Variants in RAPGEF4 observed in about 807,000 individuals in gnomAD.
The protein encoded by RAPGEF4 is RAP guanine-nucleotide-exchange factor (GEF) 4.
RAPGEF4 carries 66 observed loss-of-function variants against 147.9 expected under a neutral mutation model. The observed-to-expected ratio is 0.45, with a 90% confidence interval of 0.37 to 0.55. RAPGEF4 has a LOEUF of 0.55. RAPGEF4 is among the 20% of genes least tolerant of loss of function. The pLI, the probability that RAPGEF4 is intolerant of heterozygous loss-of-function variation, is 0.00. For missense variants in RAPGEF4, 1,071 were observed against 1,257.3 expected (o/e 0.85, Z 2.24); for synonymous variants, 419 against 442.7 (o/e 0.95, Z 0.67).
At chr2:172,991,128 G>A (rs1263629711) in intron 15 of RAPGEF4, among the ~76,000 whole-genome samples, 1 of 152,188 alleles carries the variant, frequency 6.6e-6, no homozygotes, top group Admixed American at 6.5e-5. Context: ...GCTGCCTAGA[G>A]TAATTCGGGA....
chr2:172,795,870 T>C (rs1035991398), intron 2 of RAPGEF4, among the ~76,000 whole-genome samples: 2 of 152,208 alleles, frequency 1.3e-5, no homozygotes, highest in African/African-American at 2.4e-5. Context: ...TTCTGAGGTG[T>C]TGGGCTTTGT....
chr2:173,005,584 G>A (rs1239082077), intron 17 of RAPGEF4, among the ~76,000 whole-genome samples: 46 of 126,820 alleles, frequency 3.6e-4, no homozygotes, highest in African/African-American at 1.3e-3. Context: ...GTGTAGTATC[G>A]CAATCTTGGC....
intron 1 of RAPGEF4, among the ~76,000 whole-genome samples, chr2:172,755,688 G>A (rs374531364): frequency 7.9e-5 from 12 of 152,292 alleles, no homozygotes; most frequent in Admixed American, 5.2e-4. Flanking sequence ...GAGCTACTGC[G>A]CCTGGCCTAA....
intron 4 of RAPGEF4, among the ~76,000 whole-genome samples, chr2:172,852,285 C>A (rs1181179680): frequency 3.9e-5 from 6 of 152,120 alleles, no homozygotes; most frequent in Non-Finnish European, 7.4e-5. Flanking sequence ...ATGAAGATAA[C>A]CTTCCTTATT....
At chr2:173,049,769 T>G (rs1333461071) in intron 30 of RAPGEF4, among the ~76,000 whole-genome samples, 1 of 152,248 alleles carries the variant, frequency 6.6e-6, no homozygotes, top group African/African-American at 2.4e-5. Context: ...TATCATCAAC[T>G]ATTCTTATGT....
intron 4 of RAPGEF4, among the ~76,000 whole-genome samples, chr2:172,884,880 C>T (rs1359705811): frequency 6.6e-6 from 1 of 152,226 alleles, no homozygotes; most frequent in Non-Finnish European, 1.5e-5. Flanking sequence ...AAATCATTTG[C>T]ATTTGCCTTG....
intron 6 of RAPGEF4, among the ~76,000 whole-genome samples, chr2:172,939,918 A>G (rs1173794949): frequency 6.6e-6 from 1 of 152,136 alleles, no homozygotes; most frequent in Non-Finnish European, 1.5e-5. Flanking sequence ...GTTCCTTTGT[A>G]AAAGATCAGT....
chr2:172,984,368 C>A (rs188281979), intron 11 of RAPGEF4, among the ~76,000 whole-genome samples: 51 of 152,318 alleles, frequency 3.3e-4, no homozygotes, highest in African/African-American at 1.2e-3. Flanking sequence ...AGTAGCAGTA[C>A]CTGCCAGTCC....
intron 1 of RAPGEF4, among the ~76,000 whole-genome samples, chr2:172,783,642 C>T (rs1009458590): frequency 6.6e-6 from 1 of 151,994 alleles, no homozygotes; most frequent in African/African-American, 2.4e-5. Context: ...GAGCCTCAGC[C>T]GAGAGAGAAC....
chr2:172,745,315 A>G (rs1694669792), intron 1 of RAPGEF4, among the ~76,000 whole-genome samples: 1 of 152,112 alleles, frequency 6.6e-6, no homozygotes, highest in Admixed American at 6.5e-5. Flanking sequence ...TAGTTATTTC[A>G]AGGAGTTTGT....
chr2:173,031,209 C>T (rs1167912930), intron 26 of RAPGEF4, among the ~76,000 whole-genome samples: 1 of 152,340 alleles, frequency 6.6e-6, no homozygotes, highest in African/African-American at 2.4e-5. Context: ...GGCAGGTCCT[C>T]ACAAGTCCTT....
chr2:172,786,653 C>T (rs1219849008), intron 1 of RAPGEF4, among the ~76,000 whole-genome samples: 1 of 152,048 alleles, frequency 6.6e-6, no homozygotes, highest in Admixed American at 6.5e-5. Flanking sequence ...AGTGGGAAGA[C>T]TGCTTGAGGC....
intron 1 of RAPGEF4, among the ~76,000 whole-genome samples, chr2:172,760,150 C>T (rs1198175547): frequency 6.6e-6 from 1 of 152,198 alleles, no homozygotes; most frequent in African/African-American, 2.4e-5. Context: ...GCAAACACCA[C>T]AGAAGAAACC....
intron 6 of RAPGEF4, among the ~76,000 whole-genome samples, chr2:172,945,661 A>G (rs1202392076): frequency 1.3e-5 from 2 of 152,144 alleles, no homozygotes; most frequent in African/African-American, 2.4e-5. Context: ...ACCTTTCCCA[A>G]CTGGGAGTTA....
chr2:172,935,426 A>T (rs1325242822), intron 6 of RAPGEF4, among the ~76,000 whole-genome samples: 2 of 152,036 alleles, frequency 1.3e-5, no homozygotes. Context: ...AGCTCTGTTG[A>T]TGGGGAGGTC....
chr2:172,908,387 A>G (rs1699814541), intron 4 of RAPGEF4, among the ~76,000 whole-genome samples: 1 of 152,228 alleles, frequency 6.6e-6, no homozygotes, highest in Non-Finnish European at 1.5e-5. Context: ...GAAGGTCAGC[A>G]CTGCACTGTG....
intron 4 of RAPGEF4, among the ~76,000 whole-genome samples, chr2:172,872,478 C>T (rs1024087316): frequency 2.6e-5 from 4 of 152,170 alleles, no homozygotes; most frequent in African/African-American, 7.2e-5. Context: ...TGAACAGTGA[C>T]GTGGTTTGGC....
In RAPGEF4 at chr2:172,911,170, A is replaced by G. The variant is rs114647002; in HGVS notation, c.445-6632A>G. On this transcript the variant is annotated intron_variant, in intron 4 of 30. Transcript: ENST00000397081. ...TCAGCTAAATCAGATCTGGATGTGG[A>G]TGAGGCACCTTGAATGCTGTTTCTT... is the stretch of plus-strand genomic sequence containing the variant. Among the ~76,000 whole-genome samples, 653 of 152,270 alleles carry G rather than the reference A, an allele frequency of 4.3e-3. 5 individuals carry two copies. Among genetic ancestry groups the G allele is most frequent in the African/African-American group, 0.015 (621 of 41,552 alleles).
chr2:172,883,284 T>A (rs1696821633), intron 4 of RAPGEF4, among the ~76,000 whole-genome samples: 1 of 152,178 alleles, frequency 6.6e-6, no homozygotes, highest in South Asian at 2.1e-4. Context: ...TCTTGCTGTA[T>A]CATCTCATGG....
Sources: gnomAD v4.1 joint callset for allele counts (sites outside exome capture counted in the v4.1 genomes callset) on GRCh38, gnomAD v4.1.1 for gene constraint, MANE v1.5 for transcripts, NCBI Gene and HGNC (gene_info 2026-07-23, HGNC 2026-07-21) for gene names.